Variants in METTL3 observed in about 807,000 individuals in gnomAD.
METTL3 encodes the protein methyltransferase 3, N6-adenosine-methyltransferase complex catalytic subunit, also known as N(6)-adenosine-methyltransferase catalytic subunit METTL3.
METTL3 carries 42 observed loss-of-function variants against 64.3 expected under a neutral mutation model. The ratio of observed to expected loss-of-function variants is 0.65; its 90% CI spans 0.51 to 0.84. The LOEUF (loss-of-function observed/expected upper bound fraction) is 0.84, where lower values mean the gene tolerates loss of function less well. METTL3 is among the 40% of genes least tolerant of loss of function. METTL3 has a pLI of 0.00. For missense variants in METTL3, 435 were observed against 722.3 expected, an observed-to-expected ratio of 0.60 and a Z score of 4.56; for synonymous variants, 256 against 263.6, an observed-to-expected ratio of 0.97 and a Z score of 0.28.
chr14:21,506,664 C>T (rs551913982), intron 1 of METTL3, among the ~76,000 whole-genome samples: 2 of 152,312 alleles, frequency 1.3e-5, no homozygotes, highest in East Asian at 1.9e-4. Flanking sequence ...GTAACCCAAA[C>T]GCCCACCCAT....
At chr14:21,500,347 C>CAGTG (rs1189284733) in intron 6 of METTL3, 148 bp downstream of exon 6, 9 of 744,814 alleles carry the variant, frequency 1.2e-5, no homozygotes, top group Non-Finnish European at 1.9e-5. Flanking sequence ...CTAAGCAACA[C>CAGTG]AGTGAGACTC....
chr14:21,500,024 C>T (rs1290067954), intron 6 of METTL3, among the ~76,000 whole-genome samples: 1 of 152,006 alleles, frequency 6.6e-6, no homozygotes, highest in African/African-American at 2.4e-5. Flanking sequence ...AATATATATT[C>T]GGGGTAAAAT....
Position 21,503,856 on chromosome 14 carries a change from C to T in METTL3, c.126G>A (p.Leu42=). 1 of 1,614,160 alleles carries T rather than the reference C, an allele frequency of 6.2e-7. No homozygotes were observed. The highest frequency in any genetic ancestry group is 8.5e-7 in the Non-Finnish European group (1 of 1,180,034). ...GGCTGTCACTACGGAAGGTTGGAGA[C>T]AATGCTGCCTCTGGATTCCGTAGAT... The part of the protein sequence containing the change: ...HLDLRNPEAA[L]SPTFRSDSPV... The change falls in exon 2 of 11, where the codon TTG becomes TTA. Residue 42 remains leucine (L), a synonymous_variant. Transcript: ENST00000298717.
At chr14:21,499,848 T>C in intron 6 of METTL3, 46 bp from the exon 7 acceptor site, 1 of 1,586,964 alleles carries the variant, frequency 6.3e-7, no homozygotes, top group Non-Finnish European at 8.6e-7. Flanking sequence ...CCATATTTTT[T>C]TTCCCTTCAA....
Position 21,499,772 on chromosome 14 carries a change from G to A in METTL3, c.1335C>T (p.Asn445=), listed in dbSNP as rs1139130. ...RAMELGRECL[N]LWGYERVDEI... is the part of the protein sequence containing the mutation. Reference sequence around the variant, plus strand: ...ACACAACCACTACTTACCCCCAGAGGTTTAGACATTCTCTCCCCAACTCCA... The same window carrying A: ...ACACAACCACTACTTACCCCCAGAGATTTAGACATTCTCTCCCCAACTCCA... The change falls in exon 7 of 11, where the codon AAC becomes AAT. Residue 445 remains asparagine, a synonymous_variant. Transcript: ENST00000298717. 814,378 of 1,612,182 alleles carry A rather than the reference G, an allele frequency of 0.51. 208,455 individuals are homozygous for A. The highest frequency in any genetic ancestry group is 0.65 in the East Asian group (29,190 of 44,852).
chr14:21,498,397 C>G, intron 10 of METTL3, 28 bp from the exon 11 acceptor site: 2 of 1,610,476 alleles, frequency 1.2e-6, no homozygotes, highest in Non-Finnish European at 1.7e-6. Flanking sequence ...GAGGGGCAAA[C>G]CAGAAATCCT....
At chr14:21,501,996 CTAAGAGA>C (rs1386670300) in intron 3 of METTL3, 93 bp from the exon 4 acceptor site, 2 of 859,318 alleles carry the variant, frequency 2.3e-6, no homozygotes, top group Non-Finnish European at 3.5e-6. Context: ...TTAATGTCTT[CTAAGAGA>C]TAAATCAACT....
At chr14:21,509,264 C>T (rs936309690) in intron 1 of METTL3, among the ~76,000 whole-genome samples, 4 of 152,102 alleles carry the variant, frequency 2.6e-5, no homozygotes, top group African/African-American at 7.2e-5. Context: ...CGCTGGAGCC[C>T]GGGAAGTCAA....
chr14:21,500,638 G>A lies in METTL3; in HGVS notation c.1161C>T (p.Gly387=). ...DIRYLDVSIL[G]KFAVVMADPP... is the part of the protein sequence containing the mutation. Reference sequence around the variant, plus strand: ...GGTCAGCCATCACAACTGCAAACTTGCCCAAGATACTGACGTCCAGGTAGC... The same window carrying A: ...GGTCAGCCATCACAACTGCAAACTTACCCAAGATACTGACGTCCAGGTAGC... Residue 387 remains glycine, a synonymous_variant, in exon 6 of 11, where the codon GGC becomes GGT. Coordinates refer to ENST00000298717, the MANE Select transcript of METTL3 (RefSeq NM_019852.5). 6.2e-7 allele frequency: 1 copy of A among 1,614,078 alleles called. No homozygotes were observed.
chr14:21,508,597 G>A (rs1361576012), intron 1 of METTL3, among the ~76,000 whole-genome samples: 1 of 152,084 alleles, frequency 6.6e-6, no homozygotes, highest in Non-Finnish European at 1.5e-5. Context: ...AAATGGAAAA[G>A]TATAAAGAAG....
At chr14:21,503,614 G>T in intron 2 of METTL3, 37 bp from the exon 3 acceptor site, 1 of 1,613,472 alleles carries the variant, frequency 6.2e-7, no homozygotes, top group South Asian at 1.1e-5. Context: ...ATAAGACACT[G>T]ACCGTGAACT....
In METTL3 at chr14:21,503,300, T is replaced by C; in HGVS notation, c.596A>G (p.Asn199Ser). ...CTTTGCTGGTTCCGATGCTGAAGAG[T>C]TCAGACCAGAGACTAACGAACTGGC... ...AFASSLVSGL[N>S]SSASEPAKEP... Residue 199 changes from asparagine (N) to serine (S), a missense_variant, in exon 3 of 11, where the codon AAC (asparagine) becomes AGC (serine). Physicochemically the swap from Asn to Ser is conservative, Grantham distance 46. Transcript: ENST00000298717. 1 of 1,614,080 alleles carries C rather than the reference T, an allele frequency of 6.2e-7. No homozygotes were observed.
Position 21,499,301 on chromosome 14 carries a change from C to T in METTL3, c.1518+5G>A, listed in dbSNP as rs766854082. On this transcript the variant is annotated splice_donor_5th_base_variant and intron_variant, in intron 9 of 10. Coordinates refer to ENST00000298717, the MANE Select transcript of METTL3 (RefSeq NM_019852.5). ...GGAAGCTTTGGAGGCCTGGGAAGCA[C>T]ATACCTCAGCTACGATCACATCACA... The T allele has an allele frequency of 1.1e-5, 17 of 1,614,068 alleles. No homozygotes were observed. Among genetic ancestry groups the T allele is most frequent in the Non-Finnish European group, 1.2e-5 (14 of 1,180,032 alleles).
intron 1 of METTL3, among the ~76,000 whole-genome samples, chr14:21,505,768 C>G (rs948908316): frequency 2.0e-5 from 3 of 152,168 alleles, no homozygotes; most frequent in Non-Finnish European, 2.9e-5. Context: ...TTTATTTATT[C>G]AACACATTTA....
At chr14:21,509,191 A>G (rs1480532099) in intron 1 of METTL3, among the ~76,000 whole-genome samples, 1 of 152,054 alleles carries the variant, frequency 6.6e-6, no homozygotes, top group Non-Finnish European at 1.5e-5. Context: ...AATACAAAAA[A>G]TAGCTGGGCA....
At chr14:21,504,095 T>G (rs2139646267) in intron 1 of METTL3, 1 of 550,880 alleles carries the variant, frequency 1.8e-6, no homozygotes, top group African/African-American at 1.9e-5. Flanking sequence ...CTACCTTTTC[T>G]CTATTGAGTG....
At chr14:21,510,836 G>A in intron 1 of METTL3, 1 of 378,612 alleles carries the variant, frequency 2.6e-6, no homozygotes, top group South Asian at 3.4e-5. Flanking sequence ...CCTCACAAAG[G>A]CGACGTCCTC....
intron 3 of METTL3, chr14:21,502,834 T>C (rs1167119775): frequency 4.6e-6 from 1 of 218,536 alleles, no homozygotes; most frequent in African/African-American, 2.3e-5. Context: ...TTCTTTCAGA[T>C]TCAGTGACAG....
At position 21,503,498 on chromosome 14, in the gene METTL3, C is replaced by G; in HGVS notation, c.398G>C (p.Arg133Pro). ...ATGTGCATCATCTTGTAGGAGACCT[C>G]GCTTTACCTCAATCAACTCCTGAGC... ...FAAQELIEVK[R>P]GLLQDDAHPT... The change falls in exon 3 of 11, where the codon CGA becomes CCA. Residue 133 changes from arginine (R) to proline (P), a missense_variant. Physicochemically the swap from Arg to Pro is moderately radical, Grantham distance 103. This residue lies in a region of METTL3 where 228 missense variants were observed against 279.6 expected (regional missense o/e 0.82). Coordinates refer to ENST00000298717, the MANE Select transcript of METTL3 (RefSeq NM_019852.5). The G allele has an allele frequency of 6.2e-7, 1 of 1,612,076 alleles. No individual in the cohort carries two copies. Among genetic ancestry groups the G allele is most frequent in the Non-Finnish European group, 8.5e-7 (1 of 1,180,026 alleles).
Sources: gnomAD v4.1 joint callset for allele counts (sites outside exome capture counted in the v4.1 genomes callset) on GRCh38, gnomAD v4.1.1 for gene constraint, gnomAD v4.1.1 regional missense constraint, MANE v1.5 for transcripts, NCBI Gene and HGNC (gene_info 2026-07-23, HGNC 2026-07-21) for gene names.